The following ANK3 variants were observed in gnomAD, a reference collection of about 807,000 sequenced individuals.
The protein encoded by ANK3 is ankyrin 3, also known as ankyrin-3.
ANK3 carries 57 observed loss-of-function variants against 370.9 expected under a neutral mutation model. The ratio of observed to expected loss-of-function variants is 0.15; its 90% CI spans 0.12 to 0.19. The LOEUF (loss-of-function observed/expected upper bound fraction) is 0.19. Ranked by LOEUF, ANK3 falls within the 10% of genes least tolerant of loss-of-function variation. The probability of loss-of-function intolerance (pLI) is 1.00; values close to 1 mark genes in which losing one functional copy is unlikely to be tolerated. For synonymous variants in ANK3, 1,929 were observed against 1,946.3 expected (o/e 0.99, Z 0.23); for missense variants, 4,439 against 5,302.1 (o/e 0.84, Z 5.06).
rs1163500410 is a variant in ANK3, at chr10:60,575,091, G to A, written c.96+40095C>T. 2.6e-5 allele frequency among the ~76,000 whole-genome samples: 4 copies of A among 152,144 alleles called. No individual in the cohort carries two copies. In the East Asian group the frequency reaches 5.8e-4, roughly 22 times the overall value. On this transcript the variant is annotated intron_variant, in intron 2 of 43. Transcript: ENST00000373827. ...CAATTAACATGATATGTCTGGCCAA[G>A]GGCATAGCACAAGAATATGTTTGAA...
chr10:60,305,095 G>A (rs1392157101), intron 1 of ANK3, among the ~76,000 whole-genome samples: 3 of 152,128 alleles, frequency 2.0e-5, no homozygotes, highest in African/African-American at 7.2e-5. Context: ...GGTGAGGCTG[G>A]CTTAAAAAGT....
intron 2 of ANK3, among the ~76,000 whole-genome samples, chr10:60,577,874 T>C (rs780786663): frequency 9.2e-5 from 14 of 152,234 alleles, no homozygotes; most frequent in Non-Finnish European, 1.9e-4. Context: ...TACATCTTCT[T>C]ACAGCAACTG....
intron 25 of ANK3, among the ~76,000 whole-genome samples, chr10:60,120,904 G>C (rs2093427835): frequency 6.6e-6 from 1 of 152,062 alleles, no homozygotes. Flanking sequence ...CAGTCTGGAG[G>C]TTCCTCGAAA....
intron 1 of ANK3, among the ~76,000 whole-genome samples, chr10:60,330,649 C>T (rs888726433): frequency 6.6e-6 from 1 of 152,190 alleles, no homozygotes; most frequent in African/African-American, 2.4e-5. Context: ...GAAATAGGAA[C>T]ACTTTTACAC....
In ANK3 at chr10:60,665,060, TATG is replaced by T. The variant is rs373589441; in HGVS notation, c.58-49839_58-49837del. Among the ~76,000 whole-genome samples, 421 of 152,298 alleles carry T rather than the reference TATG, an allele frequency of 2.8e-3. 1 individual carries two copies. Among genetic ancestry groups the T allele is most frequent in the African/African-American group, 9.8e-3 (409 of 41,554 alleles). On this transcript the variant is annotated intron_variant, in intron 1 of 43. Coordinates refer to the ANK3 transcript ENST00000373827. ...CAGAGGAAAGAATGAGCATGTTGCC[TATG>T]ATGACTCAGCTGCTTCCCAGCCCCA...
At chr10:60,632,782 A>T (rs1287353554) in intron 1 of ANK3, among the ~76,000 whole-genome samples, 1 of 152,046 alleles carries the variant, frequency 6.6e-6, no homozygotes, top group Non-Finnish European at 1.5e-5. Flanking sequence ...ACAGGTCCCT[A>T]GGAGGCTGAA....
chr10:60,553,006 C>T (rs780728424), intron 2 of ANK3, among the ~76,000 whole-genome samples: 1 of 152,158 alleles, frequency 6.6e-6, no homozygotes, highest in Non-Finnish European at 1.5e-5. Flanking sequence ...CCTCCCTGGC[C>T]ATGTGGAAGT....
At chr10:60,385,001 G>T (rs2062051452) in intron 1 of ANK3, among the ~76,000 whole-genome samples, 1 of 152,090 alleles carries the variant, frequency 6.6e-6, no homozygotes, top group Admixed American at 6.6e-5. Flanking sequence ...CTTCCTGACT[G>T]CTCTCCCTGC....
At chr10:60,185,665 G>T (rs2096305059) in intron 17 of ANK3, among the ~76,000 whole-genome samples, 1 of 152,204 alleles carries the variant, frequency 6.6e-6, no homozygotes, top group Admixed American at 6.5e-5. Flanking sequence ...AGGCAGAAGA[G>T]AAGCTAAATG....
chr10:60,180,015 G>C (rs1306512448), intron 18 of ANK3, among the ~76,000 whole-genome samples: 1 of 151,998 alleles, frequency 6.6e-6, no homozygotes, highest in South Asian at 2.1e-4. Context: ...CTCTCTCTGT[G>C]TGTGAATAAA....
intron 18 of ANK3, among the ~76,000 whole-genome samples, chr10:60,174,993 T>C (rs1384008854): frequency 6.6e-6 from 1 of 152,218 alleles, no homozygotes; most frequent in African/African-American, 2.4e-5. Flanking sequence ...GTGCTGGGAT[T>C]ACAAGTGTGA....
chr10:60,271,063 A>T (rs1176123637), intron 4 of ANK3, among the ~76,000 whole-genome samples: 1 of 152,060 alleles, frequency 6.6e-6, no homozygotes, highest in Non-Finnish European at 1.5e-5. Context: ...CTACTAAAAA[A>T]ATGTTGTATA....
chr10:60,094,982 G>C (rs1462828600), intron 28 of ANK3, among the ~76,000 whole-genome samples: 2 of 152,184 alleles, frequency 1.3e-5, no homozygotes, highest in African/African-American at 2.4e-5. Context: ...GGAAAATAGA[G>C]AACGAAATCC....
At chr10:60,411,809 A>C (rs908607331) in intron 2 of ANK3, among the ~76,000 whole-genome samples, 1 of 152,104 alleles carries the variant, frequency 6.6e-6, no homozygotes, top group African/African-American at 2.4e-5. Context: ...AGAAGAAAGT[A>C]CTCATGAGAT....
chr10:60,592,098 A>G (rs2077923774), intron 2 of ANK3, among the ~76,000 whole-genome samples: 1 of 152,188 alleles, frequency 6.6e-6, no homozygotes, highest in African/African-American at 2.4e-5. Context: ...TTGTAACTCT[A>G]AGGATAAATG....
At chr10:60,168,903 C>G (rs1341478783) in intron 21 of ANK3, among the ~76,000 whole-genome samples, 1 of 152,182 alleles carries the variant, frequency 6.6e-6, no homozygotes, top group Non-Finnish European at 1.5e-5. Context: ...GCACAGTATT[C>G]CATGGTGTAT....
intron 1 of ANK3, among the ~76,000 whole-genome samples, chr10:60,722,253 G>A (rs2132026098): frequency 6.6e-6 from 1 of 152,046 alleles, no homozygotes; most frequent in East Asian, 1.9e-4. Flanking sequence ...GACTAAGAAA[G>A]CATAGTTTCT....
chr10:60,141,854 C>T lies in ANK3; in HGVS notation c.2615-2767G>A, dbSNP rs180954371. ...ATGCTATGACACCTGGTGCTTTACT[C>T]TGATCAGCCTGGCTGTAATCAACAT... On this transcript the variant is annotated intron_variant, in intron 23 of 43. Coordinates refer to ENST00000280772, the MANE Select transcript of ANK3 (RefSeq NM_020987.5). Among the ~76,000 whole-genome samples the T allele has an allele frequency of 1.1e-3, 173 of 152,166 alleles. 2 individuals are homozygous for T. The highest frequency in any genetic ancestry group is 3.8e-3 in the African/African-American group (158 of 41,522).
chr10:60,483,860 G>C (rs1158522675), intron 2 of ANK3, among the ~76,000 whole-genome samples: 1 of 152,168 alleles, frequency 6.6e-6, no homozygotes, highest in Non-Finnish European at 1.5e-5. Flanking sequence ...CAAAGGGCTT[G>C]AATAGGCTTG....
Sources: allele counts gnomAD v4.1 joint callset (sites outside exome capture counted in the v4.1 genomes callset), GRCh38; gene constraint gnomAD v4.1.1; transcripts MANE v1.5; gene names NCBI Gene and HGNC (gene_info 2026-07-23, HGNC 2026-07-21).